The following NBAS variants were observed in gnomAD, a reference collection of about 807,000 sequenced individuals.
The protein encoded by NBAS is NAG/BC035112 fusion.
Under a neutral mutation model 302.5 loss-of-function variants are expected in NBAS, and 219 were observed. The observed-to-expected ratio is 0.72, with a 90% confidence interval of 0.65 to 0.81. NBAS has a LOEUF of 0.81. Ranked by LOEUF, NBAS falls within the 30% of genes least tolerant of loss-of-function variation. The pLI is 0.00. For missense variants in NBAS, 2,932 were observed against 2,841.6 expected, an observed-to-expected ratio of 1.03 and a Z score of -0.72; for synonymous variants, 1,118 against 1,021.6, an observed-to-expected ratio of 1.09 and a Z score of -1.80.
chr2:14,822,475 T>C, the NBAS span, among the ~76,000 whole-genome samples: 5 of 152,200 alleles, frequency 3.3e-5, no homozygotes, highest in Non-Finnish European at 1.5e-5. Flanking sequence ...AATTTCACCC[T>C]AGAAAGCTTC....
At chr2:14,902,941 A>C in the NBAS span, among the ~76,000 whole-genome samples, 2 of 152,220 alleles carry the variant, frequency 1.3e-5, no homozygotes, top group African/African-American at 4.8e-5. Context: ...ATAGGCAGTC[A>C]CATGGGTAAG....
chr2:14,857,129 T>A, the NBAS span, among the ~76,000 whole-genome samples: 1 of 152,068 alleles, frequency 6.6e-6, no homozygotes, highest in Non-Finnish European at 1.5e-5. Flanking sequence ...CAGTGAAAGA[T>A]GTCTATAATG....
chr2:14,798,968 G>A, the NBAS span, among the ~76,000 whole-genome samples: 27 of 152,030 alleles, frequency 1.8e-4, no homozygotes, highest in Admixed American at 5.2e-4. Context: ...CCAATCTGGC[G>A]AGAAGTTTAT....
the NBAS span, among the ~76,000 whole-genome samples, chr2:15,134,052 T>G: frequency 1.7e-5 from 1 of 58,206 alleles, no homozygotes; most frequent in Non-Finnish European, 3.4e-5. Flanking sequence ...ACATGAACAT[T>G]TCTTTCTCTC....
chr2:14,959,006 T>C, the NBAS span, among the ~76,000 whole-genome samples: 1 of 152,026 alleles, frequency 6.6e-6, no homozygotes, highest in Non-Finnish European at 1.5e-5. Context: ...ACATTTAGGA[T>C]TTAAGTTCAT....
At position 15,352,045 on chromosome 2, in the gene NBAS, C is replaced by A. The variant is rs1319505687; in HGVS notation, c.4126G>T (p.Glu1376Ter). ...YQRVNFQIHH[E>*]GGENISASPL... ...GAAGCACTGATATTTTCCCCTCCTT[C>A]ATGATGGATCTGGAAATTCACTCTT... The change falls in exon 35 of 52, where the codon GAA (glutamate) becomes TAA (stop). Residue 1376 changes from glutamate (E) to a stop codon, truncating the protein, a stop_gained. Coordinates refer to ENST00000281513, the MANE Select transcript of NBAS (RefSeq NM_015909.4). LOFTEE classifies it high-confidence loss of function. 1 of 1,611,616 alleles carries A rather than the reference C, an allele frequency of 6.2e-7. No homozygotes were observed. Among genetic ancestry groups the A allele is most frequent in the Non-Finnish European group, 8.5e-7 (1 of 1,177,976 alleles).
intron 16 of NBAS, 81 bp downstream of exon 16, chr2:15,473,141 G>C: frequency 1.4e-6 from 2 of 1,480,218 alleles, no homozygotes; most frequent in Non-Finnish European, 1.9e-6. Flanking sequence ...GCAATGTAAA[G>C]TACTCTAAAA....
chr2:15,321,352 A>G (rs748202574), intron 38 of NBAS, among the ~76,000 whole-genome samples: 7 of 152,232 alleles, frequency 4.6e-5, no homozygotes, highest in African/African-American at 1.7e-4. Flanking sequence ...CTTCATGACT[A>G]AAACACCAAA....
At chr2:14,990,875 G>A in the NBAS span, among the ~76,000 whole-genome samples, 4 of 152,150 alleles carry the variant, frequency 2.6e-5, no homozygotes, top group East Asian at 1.9e-4. Flanking sequence ...AAGCTGAATC[G>A]CTCACAGCCT....
At chr2:15,274,281 C>T (rs1669467205) in intron 44 of NBAS, among the ~76,000 whole-genome samples, 1 of 152,196 alleles carries the variant, frequency 6.6e-6, no homozygotes. Flanking sequence ...GTTGGAACCT[C>T]TGCCTGTGCC....
the NBAS span, among the ~76,000 whole-genome samples, chr2:14,811,257 T>C: frequency 6.6e-6 from 1 of 151,840 alleles, no homozygotes; most frequent in Non-Finnish European, 1.5e-5. Flanking sequence ...ACAAAACAAA[T>C]TAATTAGCCA....
intron 8 of NBAS, among the ~76,000 whole-genome samples, chr2:15,536,187 G>C (rs1663500505): frequency 6.6e-6 from 1 of 152,196 alleles, no homozygotes; most frequent in Non-Finnish European, 1.5e-5. Context: ...TAGCCGGATA[G>C]AGGGGTGGAT....
At chr2:15,221,609 G>C (rs1473935254) in intron 47 of NBAS, among the ~76,000 whole-genome samples, 1 of 152,212 alleles carries the variant, frequency 6.6e-6, no homozygotes, top group African/African-American at 2.4e-5. Flanking sequence ...CGGAGGAAGA[G>C]AGAATAGAAC....
the NBAS span, among the ~76,000 whole-genome samples, chr2:14,873,968 A>G: frequency 6.6e-6 from 1 of 152,194 alleles, no homozygotes; most frequent in Non-Finnish European, 1.5e-5. Flanking sequence ...ATAAATCAGC[A>G]TAACAGAAAA....
In NBAS at chr2:15,202,305, G is replaced by A. The variant is rs117612433; in HGVS notation, c.6433-11902C>T. ...TAGAAATTACACAATAAAACATGCT[G>A]TAATCACTCCCCATAAGTGCTGCTG... On this transcript the variant is annotated intron_variant, in intron 48 of 51. Transcript: ENST00000281513. Among the ~76,000 whole-genome samples the A allele has an allele frequency of 7.8e-4, 119 of 152,182 alleles. No individual in the cohort carries two copies. The East Asian group carries it at 0.022, about 28-fold the overall frequency.
the NBAS span, among the ~76,000 whole-genome samples, chr2:15,122,099 G>A: frequency 6.6e-6 from 1 of 151,370 alleles, no homozygotes; most frequent in Admixed American, 6.6e-5. Context: ...GGTGGAAGAG[G>A]ATGGGGTATG....
intron 48 of NBAS, among the ~76,000 whole-genome samples, chr2:15,199,788 T>C (rs1425806982): frequency 2.0e-5 from 3 of 151,644 alleles, no homozygotes; most frequent in Non-Finnish European, 4.4e-5. Flanking sequence ...AATAAGATAA[T>C]GGGAATAAAG....
At chr2:15,335,102 C>A (rs1672518712) in intron 35 of NBAS, among the ~76,000 whole-genome samples, 1 of 146,674 alleles carries the variant, frequency 6.8e-6, no homozygotes, top group African/African-American at 2.6e-5. Flanking sequence ...TTCGGGAGGT[C>A]AAAGTGGGAG....
chr2:15,348,902 G>A (rs1017268708), intron 35 of NBAS, among the ~76,000 whole-genome samples: 47 of 152,164 alleles, frequency 3.1e-4, no homozygotes, highest in African/African-American at 1.1e-3. Context: ...ACGGAACAGT[G>A]AGAGAGAATG....
Sources: gnomAD v4.1 joint callset for allele counts (sites outside exome capture counted in the v4.1 genomes callset) on GRCh38, gnomAD v4.1.1 for gene constraint, MANE v1.5 for transcripts, NCBI Gene and HGNC (gene_info 2026-07-23, HGNC 2026-07-21) for gene names.